The following MKS1 variants were observed in gnomAD, a reference collection of about 807,000 sequenced individuals.
MKS1 encodes the protein tectonic-like complex member MKS1.
MKS1 carries 70 observed loss-of-function variants against 83.7 expected under a neutral mutation model. The ratio of observed to expected loss-of-function variants is 0.84; its 90% CI spans 0.69 to 1.02. MKS1 has a LOEUF of 1.02. Among genes scored for constraint, MKS1 ranks in the 50% least tolerant of loss-of-function variants. The pLI is 0.00. For missense variants in MKS1, 681 were observed against 726.9 expected, an observed-to-expected ratio of 0.94 and a Z score of 0.73; for synonymous variants, 251 against 273.4, an observed-to-expected ratio of 0.92 and a Z score of 0.81.
At position 58,205,880 on chromosome 17, in the gene MKS1, T is replaced by A; in HGVS notation, c.*199A>T. 7.0e-7 allele frequency: 1 copy of A among 1,435,888 alleles called. No individual in the cohort carries two copies. Among genetic ancestry groups the A allele is most frequent in the East Asian group, 2.5e-5 (1 of 40,068 alleles). The allele number at this position is 1,435,888 out of a possible 1,614,324, so 88.9% of individuals were successfully genotyped here. Reference sequence around the variant, plus strand: ...CAAATATAAAGGGGGGGCCACAGGGTCTCTGGCTTTATTTCCACAGGGTAG... The same window carrying A: ...CAAATATAAAGGGGGGGCCACAGGGACTCTGGCTTTATTTCCACAGGGTAG... On this transcript the variant is annotated 3_prime_UTR_variant, in exon 18 of 18. Transcript: ENST00000393119.
intron 12 of MKS1, 84 bp from the exon 13 acceptor site, chr17:58,208,258 A>C: frequency 7.6e-7 from 1 of 1,312,868 alleles, no homozygotes; most frequent in South Asian, 1.2e-5. Context: ...TATCTTCACA[A>C]GGGAAAAAGA....
At position 58,205,469 on chromosome 17, in the gene MKS1, AAAC is replaced by A; in HGVS notation, c.*607_*609del. The A allele has an allele frequency of 8.0e-7, 1 of 1,248,436 alleles. No individual in the cohort carries two copies. Among genetic ancestry groups the A allele is most frequent in the Non-Finnish European group, 1.0e-6 (1 of 967,588 alleles). 77.3% of individuals were successfully genotyped at this position (1,248,436 alleles called of 1,614,324 possible). On this transcript the variant is annotated 3_prime_UTR_variant, in exon 18 of 18. Coordinates refer to ENST00000393119, the MANE Select transcript of MKS1 (RefSeq NM_017777.4). ...AAATAAAAGGGGTTTATGTAACAAAAAACAAAAAAACAAACAAACAAAAAAACA... is the reference window on the plus strand; with the variant it reads ...AAATAAAAGGGGTTTATGTAACAAAAAAAAAAACAAACAAACAAAAAAACA...
intron 7 of MKS1, 99 bp from the exon 8 acceptor site, chr17:58,213,189 C>T: frequency 8.8e-7 from 1 of 1,138,900 alleles, no homozygotes; most frequent in Non-Finnish European, 1.3e-6. Context: ...GGCCATACAC[C>T]TCACTAAAGT....
chr17:58,210,858 A>T, intron 10 of MKS1, 122 bp downstream of exon 10: 1 of 1,452,932 alleles, frequency 6.9e-7, no homozygotes, highest in Non-Finnish European at 9.6e-7. Flanking sequence ...TCCAGGAAAG[A>T]CTCACCACTG....
Position 58,206,465 on chromosome 17 carries a change from C to G in MKS1, c.1490G>C (p.Arg497Thr). ...TFRLHCLQQSRAFMESSSLQK... is the reference protein window; with the variant it reads ...TFRLHCLQQSTAFMESSSLQK... The stretch of plus-strand genomic sequence containing the variant: ...TGAGGCAGAGGGCCAAGTCACTCAC[C>G]TGGACTGCTGCAGACAGTGCAAGCG... The change falls in exon 16 of 18, where the codon AGG becomes ACG. Residue 497 changes from arginine to threonine, a missense_variant and splice_region_variant. By Grantham distance (71) the Arg-to-Thr change is moderately conservative (BLOSUM62 -1). This residue lies in a region of MKS1 where 310 missense variants were observed against 321.7 expected (regional missense o/e 0.96). Coordinates refer to ENST00000393119, the MANE Select transcript of MKS1 (RefSeq NM_017777.4). 6.2e-7 allele frequency: 1 copy of G among 1,614,168 alleles called. No homozygotes were observed. The highest frequency in any genetic ancestry group is 8.5e-7 in the Non-Finnish European group (1 of 1,180,016).
intron 3 of MKS1, 109 bp downstream of exon 3, chr17:58,216,557 G>A: frequency 1.6e-6 from 2 of 1,231,446 alleles, no homozygotes; most frequent in Non-Finnish European, 2.4e-6. Flanking sequence ...ACAGGGGAAA[G>A]TATAAACTGT....
intron 6 of MKS1, 86 bp downstream of exon 6, chr17:58,214,173 C>T: frequency 6.3e-7 from 1 of 1,594,566 alleles, no homozygotes; most frequent in East Asian, 2.2e-5. Context: ...TCCCCTATAA[C>T]CTAGGATGAT....
At chr17:58,211,128 G>A in intron 9 of MKS1, 106 bp from the exon 10 acceptor site, 1 of 1,113,720 alleles carries the variant, frequency 9.0e-7, no homozygotes, top group Non-Finnish European at 1.4e-6. Context: ...TAGGGGTCAG[G>A]CCCTGGGTGT....
Position 58,207,141 on chromosome 17 carries a change from C to T in MKS1, c.1351G>A (p.Gly451Ser). The change falls in exon 15 of 18, where the codon GGC (glycine) becomes AGC (serine). Residue 451 changes from glycine to serine, a missense_variant. Around this residue, in one of 3 missense-constraint regions of MKS1, gnomAD observed 310 missense variants for 321.7 expected, o/e 0.96. Coordinates refer to ENST00000393119, the MANE Select transcript of MKS1 (RefSeq NM_017777.4). ...TVAELRRFFI[G>S]GSLELEDLSY... Reference sequence around the variant, plus strand: ...AGGTCCTCCAGTTCCAGAGAACCGCCAATGAAAAACCTCCTCAGCTCAGCC... The same window carrying T: ...AGGTCCTCCAGTTCCAGAGAACCGCTAATGAAAAACCTCCTCAGCTCAGCC... 1 of 1,614,136 alleles carries T rather than the reference C, an allele frequency of 6.2e-7. No individual in the cohort carries two copies. Among genetic ancestry groups the T allele is most frequent in the Non-Finnish European group, 8.5e-7 (1 of 1,180,026 alleles).
chr17:58,214,660 A>G, intron 5 of MKS1, 81 bp downstream of exon 5: 2 of 1,428,408 alleles, frequency 1.4e-6, no homozygotes, highest in Non-Finnish European at 1.9e-6. Context: ...ACTATATATA[A>G]CCACTGATAA....
At chr17:58,207,041 A>T in intron 15 of MKS1, 44 bp downstream of exon 15, 2 of 1,613,820 alleles carry the variant, frequency 1.2e-6, no homozygotes, top group Non-Finnish European at 1.7e-6. Context: ...GAAGGACAGG[A>T]CCATAAGTTC....
intron 7 of MKS1, 54 bp downstream of exon 7, chr17:58,213,711 T>G: frequency 7.2e-7 from 1 of 1,380,610 alleles, no homozygotes; most frequent in Non-Finnish European, 1.0e-6. Context: ...GGACAAAAAG[T>G]GCAACCAAGG....
In MKS1 at chr17:58,207,140, C is replaced by T; in HGVS notation, c.1352G>A (p.Gly451Asp). 2 of 1,614,158 alleles carry T rather than the reference C, an allele frequency of 1.2e-6. No homozygotes were observed. The highest frequency in any genetic ancestry group is 1.7e-6 in the Non-Finnish European group (2 of 1,180,024). Residue 451 changes from glycine (G) to aspartate (D), a missense_variant, in exon 15 of 18, where the codon GGC (glycine) becomes GAC (aspartate). Physicochemically the swap from Gly to Asp is moderately conservative, Grantham distance 94 (BLOSUM62 -1). Transcript: ENST00000393119. ...GAGGTCCTCCAGTTCCAGAGAACCG[C>T]CAATGAAAAACCTCCTCAGCTCAGC... ...TVAELRRFFI[G>D]GSLELEDLSY...
At chr17:58,216,350 G>T in intron 3 of MKS1, 107 bp from the exon 4 acceptor site, 1 of 1,274,130 alleles carries the variant, frequency 7.8e-7, no homozygotes, top group Non-Finnish European at 1.1e-6. Context: ...GATGCTATCT[G>T]ACATGTTTTC....
rs530346106 is a variant in MKS1, at chr17:58,216,984, C to A, written c.191-248G>T. On this transcript the variant is annotated intron_variant, in intron 2 of 17. Transcript: ENST00000393119. ...ACTCTAATTTGAATAAAAGAAAATA[C>A]CCCCCAGGAATTTTTTTCTGGGGGG... Among the ~76,000 whole-genome samples the A allele has an allele frequency of 1.6e-3, 250 of 152,236 alleles. 1 individual carries two copies. Among genetic ancestry groups the A allele is most frequent in the South Asian group, 0.012 (60 of 4,814 alleles).
intron 11 of MKS1, among the ~76,000 whole-genome samples, chr17:58,208,932 T>C (rs1387756575): frequency 2.6e-5 from 4 of 152,196 alleles, no homozygotes; most frequent in African/African-American, 4.8e-5. Flanking sequence ...CCTTAATCCA[T>C]TTAACCTTGA....
At chr17:58,216,592 G>T in intron 3 of MKS1, 74 bp downstream of exon 3, 2 of 1,482,852 alleles carry the variant, frequency 1.3e-6, no homozygotes, top group Non-Finnish European at 1.9e-6. Context: ...AAATCACTTT[G>T]GCAATATGTA....
At chr17:58,206,662 G>GA in intron 15 of MKS1, 115 bp from the exon 16 acceptor site, 1 of 1,065,158 alleles carries the variant, frequency 9.4e-7, no homozygotes, top group Non-Finnish European at 1.4e-6. Context: ...TTCTGTTGGG[G>GA]AAACCTTATT....
At chr17:58,211,108 G>T in intron 9 of MKS1, 86 bp from the exon 10 acceptor site, 1 of 1,388,356 alleles carries the variant, frequency 7.2e-7, no homozygotes, top group Non-Finnish European at 1.0e-6. Context: ...ATCTGCAGAC[G>T]ACCTGCCACT....
Sources: allele counts gnomAD v4.1 joint callset (sites outside exome capture counted in the v4.1 genomes callset), GRCh38; gene constraint gnomAD v4.1.1; regional missense constraint gnomAD v4.1.1; transcripts MANE v1.5; gene names NCBI Gene and HGNC (gene_info 2026-07-23, HGNC 2026-07-21).